The following PIN4 variants were observed in gnomAD, a reference collection of about 807,000 sequenced individuals.
PIN4 encodes peptidyl-prolyl cis-trans isomerase NIMA-interacting 4.
PIN4 carries 3 observed loss-of-function variants against 8.3 expected under a neutral mutation model. That is an observed-to-expected ratio of 0.36 (90% CI 0.16 to 0.93). The LOEUF (loss-of-function observed/expected upper bound fraction) is 0.93, where lower values mean the gene tolerates loss of function less well. Among genes scored for constraint, PIN4 ranks in the 40% least tolerant of loss-of-function variants. PIN4 has a pLI of 0.44. For synonymous variants in PIN4, 18 were observed against 32.5 expected, an observed-to-expected ratio of 0.55 and a Z score of 1.52; for missense variants, 75 against 100.6, an observed-to-expected ratio of 0.75 and a Z score of 1.09.
In PIN4 at chrX:72,192,787, G is replaced by C. The variant is rs905098524; in HGVS notation, c.118-3998G>C. 3.0e-4 allele frequency among the ~76,000 whole-genome samples: 33 copies of C among 109,899 alleles called. 1 individual carries two copies. The highest frequency in any genetic ancestry group is 8.8e-4 in the Admixed American group (9 of 10,248). On this transcript the variant is annotated intron_variant, in intron 2 of 3. Coordinates refer to ENST00000373669, the MANE Select transcript of PIN4 (RefSeq NM_006223.4). ...TTTTTTTAAAGTTTTTGTAGAGATG[G>C]GGGTCTTACTATGTTGCCCAGACTG...
downstream of PIN4, among the ~76,000 whole-genome samples, chrX:72,202,851 A>T (rs1452056875): frequency 3.6e-5 from 4 of 111,730 alleles, no homozygotes; most frequent in African/African-American, 1.3e-4. Flanking sequence ...TATGTATGGG[A>T]TATAATAAAA....
intron 3 of PIN4, among the ~76,000 whole-genome samples, chrX:72,243,939 G>C (rs184516527): frequency 8.9e-6 from 1 of 112,561 alleles, no homozygotes; most frequent in African/African-American, 3.2e-5. Flanking sequence ...GCTTGTGAAT[G>C]GTGAAGCAGA....
At chrX:72,205,054 A>C (rs1284988704) in intron 3 of PIN4, 5 of 1,206,438 alleles carry the variant, frequency 4.1e-6, no homozygotes, top group Non-Finnish European at 5.6e-6. Flanking sequence ...TAAAGTCAAG[A>C]GCATAACTTC....
At chrX:72,195,639 T>C (rs913941529) in intron 2 of PIN4, among the ~76,000 whole-genome samples, 1 of 109,882 alleles carries the variant, frequency 9.1e-6, no homozygotes, top group Non-Finnish European at 1.9e-5. Flanking sequence ...AGACTCTGTC[T>C]CAAAAAAAAA....
intron 3 of PIN4, among the ~76,000 whole-genome samples, chrX:72,239,699 G>A (rs1163124950): frequency 9.4e-6 from 1 of 106,424 alleles, no homozygotes; most frequent in Non-Finnish European, 1.9e-5. Context: ...TTGGACCCAG[G>A]AGGTGGAGGT....
At chrX:72,207,678 C>T (rs761863545) in intron 3 of PIN4, 100 of 1,208,540 alleles carry the variant, frequency 8.3e-5, no homozygotes, top group Non-Finnish European at 1.1e-4. Context: ...AATCATTTTT[C>T]CTGGAAAGGG....
chrX:72,184,239 A>C (rs185362994), intron 1 of PIN4, among the ~76,000 whole-genome samples: 2 of 111,854 alleles, frequency 1.8e-5, no homozygotes, highest in East Asian at 5.6e-4. Context: ...TGGGAAGGGA[A>C]AAAGAAGTCT....
chrX:72,197,729 G>A lies in PIN4; in HGVS notation c.*203G>A. ...GCTAAGTGAATGTCAACTGTAGTAG[G>A]TATTCAGTCAGTCTTTCTCAAAGAG... On this transcript the variant is annotated 3_prime_UTR_variant, in exon 4 of 4. Transcript: ENST00000373669. 1.0e-6 allele frequency: 1 copy of A among 961,190 alleles called. No homozygotes were observed. Among genetic ancestry groups the A allele is most frequent in the Non-Finnish European group, 1.3e-6 (1 of 766,676 alleles). 79.2% of individuals were successfully genotyped at this position (961,190 alleles called of 1,213,427 possible).
rs185489165 is a variant in PIN4 at position 72,226,370 on chromosome X, C to T, written c.312+29466C>T. ...ACCTAGAAGAGTCGTAGAGGCTGCC[C>T]CCTTGCCTTTGGGCATATCCTCCCA... is the stretch of plus-strand genomic sequence containing the variant. On this transcript the variant is annotated intron_variant, in intron 3 of 3. Transcript: ENST00000423432. Among the ~76,000 whole-genome samples, 919 of 111,694 alleles carry T rather than the reference C, an allele frequency of 8.2e-3. 8 individuals are homozygous for T. Among genetic ancestry groups the T allele is most frequent in the African/African-American group, 0.028 (873 of 30,787 alleles).
intron 3 of PIN4, chrX:72,205,970 C>G: frequency 2.5e-6 from 3 of 1,211,407 alleles, no homozygotes; most frequent in African/African-American, 1.7e-5. Context: ...GCCTCACTTG[C>G]TTGAGCATCC....
intron 3 of PIN4, among the ~76,000 whole-genome samples, chrX:72,242,675 A>G (rs915396558): frequency 3.6e-5 from 4 of 112,221 alleles, no homozygotes; most frequent in Non-Finnish European, 7.5e-5. Flanking sequence ...ATCTACCCCA[A>G]TCAAGGGCTC....
chrX:72,237,986 G>A (rs1165587361), intron 3 of PIN4: 1 of 110,892 alleles, frequency 9.0e-6, no homozygotes, highest in African/African-American at 3.3e-5. Context: ...AATTCACAGA[G>A]ACAGAATAAT....
intron 3 of PIN4, among the ~76,000 whole-genome samples, chrX:72,254,504 C>T (rs911377991): frequency 1.8e-5 from 2 of 112,160 alleles, no homozygotes; most frequent in East Asian, 2.8e-4. Context: ...TTTCAAAAGC[C>T]GCAATCGTCC....
chrX:72,194,512 G>A (rs1490851174), intron 2 of PIN4, among the ~76,000 whole-genome samples: 3 of 105,172 alleles, frequency 2.9e-5, no homozygotes, highest in South Asian at 8.5e-4. Flanking sequence ...CAGCCTGGGC[G>A]ACAGAGCAAG....
intron 3 of PIN4, among the ~76,000 whole-genome samples, chrX:72,253,656 C>T (rs1374114340): frequency 4.6e-5 from 5 of 108,128 alleles, no homozygotes; most frequent in African/African-American, 1.7e-4. Context: ...AAAATCAACG[C>T]GGGGCGTGGT....
At chrX:72,195,671 G>A (rs1193806494) in intron 2 of PIN4, among the ~76,000 whole-genome samples, 1 of 110,765 alleles carries the variant, frequency 9.0e-6, no homozygotes, top group East Asian at 2.8e-4. Flanking sequence ...TTTCTAGCAG[G>A]TTTTTTCTTA....
intron 3 of PIN4, among the ~76,000 whole-genome samples, chrX:72,236,060 C>T (rs2043015577): frequency 2.7e-5 from 3 of 111,981 alleles, no homozygotes; most frequent in South Asian, 7.4e-4. Flanking sequence ...TAGGTCCCAA[C>T]AATATCAAAC....
rs2043069955 is a variant in PIN4 at position 72,247,137 on chromosome X, G to C, written c.313-15570G>C. On this transcript the variant is annotated intron_variant, in intron 3 of 3. Transcript: ENST00000423432. ...GACATAATGAGGACCAGAAATCAGG[G>C]AAGTGGGGAGGGCCAAGCATACCCA... Among the ~76,000 whole-genome samples the C allele has an allele frequency of 4.5e-5, 5 of 111,620 alleles. No homozygotes were observed. In the Admixed American group the frequency reaches 4.8e-4, roughly 11 times the overall value.
intron 3 of PIN4, among the ~76,000 whole-genome samples, chrX:72,235,389 CTTTTTTTTTT>C (rs144267277): frequency 2.9e-5 from 2 of 68,554 alleles, no homozygotes; most frequent in East Asian, 6.8e-4. Flanking sequence ...CCCTCTTCCA[CTTTTTTTTTT>C]TTTTTTTTTT....
Sources: gnomAD v4.1 joint callset for allele counts (sites outside exome capture counted in the v4.1 genomes callset) on GRCh38, gnomAD v4.1.1 for gene constraint, MANE v1.5 for transcripts, NCBI Gene and HGNC (gene_info 2026-07-23, HGNC 2026-07-21) for gene names.